Variants in C6 observed in about 807,000 individuals in gnomAD.
C6 encodes complement C6, also known as complement component C6.
In C6, 101 loss-of-function variants were observed where a neutral mutation model predicts 112.9. The ratio of observed to expected loss-of-function variants is 0.89; its 90% CI spans 0.76 to 1.06. C6 has a LOEUF of 1.06. Among genes scored for constraint, C6 ranks in the 50% least tolerant of loss-of-function variants. C6 has a pLI of 0.00. For synonymous variants in C6, 431 were observed against 384.1 expected (o/e 1.12, Z -1.43); for missense variants, 1,202 against 1,104.6 (o/e 1.09, Z -1.25).
intron 1 of C6, among the ~76,000 whole-genome samples, chr5:41,208,592 C>T (rs1045686056): frequency 3.3e-4 from 51 of 152,276 alleles, no homozygotes; most frequent in Non-Finnish European, 5.4e-4. Flanking sequence ...ACTATAAACA[C>T]CTCTACACAA....
At chr5:41,167,319 A>G (rs1748066785) in intron 9 of C6, among the ~76,000 whole-genome samples, 1 of 152,190 alleles carries the variant, frequency 6.6e-6, no homozygotes. Context: ...CAAGAGCCAC[A>G]CATTTTAGGA....
chr5:41,228,726 T>C (rs529605307), intron 1 of C6, among the ~76,000 whole-genome samples: 41 of 152,294 alleles, frequency 2.7e-4, no homozygotes, highest in Non-Finnish European at 4.7e-4. Context: ...ATGGTTTTTG[T>C]TTTTCCTTAT....
chr5:41,235,119 A>C (rs1256323699), intron 1 of C6, among the ~76,000 whole-genome samples: 12 of 142,688 alleles, frequency 8.4e-5, no homozygotes, highest in Admixed American at 7.2e-5. Flanking sequence ...GTACATGTGC[A>C]CATTGTGCAG....
At chr5:41,231,790 T>C (rs186143223) in intron 1 of C6, among the ~76,000 whole-genome samples, 18 of 152,230 alleles carry the variant, frequency 1.2e-4, no homozygotes, top group Non-Finnish European at 1.8e-4. Flanking sequence ...TGCCTGGTAA[T>C]TTTTTAAAAA....
At chr5:41,240,266 A>G (rs1477848981) in intron 1 of C6, among the ~76,000 whole-genome samples, 1 of 152,112 alleles carries the variant, frequency 6.6e-6, no homozygotes, top group Non-Finnish European at 1.5e-5. Flanking sequence ...TTGTTGCCCC[A>G]TAGGTGCTAT....
intron 1 of C6, among the ~76,000 whole-genome samples, chr5:41,219,473 A>G (rs1739032812): frequency 6.6e-6 from 1 of 152,118 alleles, no homozygotes; most frequent in African/African-American, 2.4e-5. Flanking sequence ...CAAGCAATGA[A>G]GGGACATGTG....
intron 1 of C6, among the ~76,000 whole-genome samples, chr5:41,234,572 G>T (rs1314422810): frequency 1.3e-5 from 2 of 151,932 alleles, no homozygotes; most frequent in Admixed American, 1.3e-4. Context: ...GACAAAAGTG[G>T]AAATATCATT....
At chr5:41,194,470 G>A (rs1020499397) in intron 5 of C6, among the ~76,000 whole-genome samples, 2 of 152,016 alleles carry the variant, frequency 1.3e-5, no homozygotes, top group African/African-American at 2.4e-5. Flanking sequence ...TGGTGTCCTC[G>A]GGTTTGGTTC....
chr5:41,200,859 G>A (rs1561161910), intron 3 of C6, among the ~76,000 whole-genome samples: 1 of 139,600 alleles, frequency 7.2e-6, no homozygotes, highest in Non-Finnish European at 1.5e-5. Flanking sequence ...ATCTTGGACT[G>A]AAACCCTGTT....
chr5:41,218,859 G>A (rs1329721931), intron 1 of C6, among the ~76,000 whole-genome samples: 1 of 152,192 alleles, frequency 6.6e-6, no homozygotes, highest in African/African-American at 2.4e-5. Flanking sequence ...GTGAGAACAT[G>A]TGGCCTTAGA....
chr5:41,186,466 C>G (rs1166990230), intron 5 of C6: 1 of 451,764 alleles, frequency 2.2e-6, no homozygotes, highest in Non-Finnish European at 4.0e-6. Context: ...TTTCAACATA[C>G]AACAAAATCT....
intron 17 of C6, among the ~76,000 whole-genome samples, chr5:41,147,350 A>G (rs1745926085): frequency 6.6e-6 from 1 of 152,130 alleles, no homozygotes; most frequent in Non-Finnish European, 1.5e-5. Context: ...CTTATATGGA[A>G]TTGCTTTGTT....
At chr5:41,181,618 G>A in intron 6 of C6, 59 bp from the exon 7 acceptor site, 2 of 1,294,060 alleles carry the variant, frequency 1.5e-6, no homozygotes, top group Non-Finnish European at 2.2e-6. Context: ...GCGACTTGTG[G>A]ATATCTAATG....
intron 1 of C6, among the ~76,000 whole-genome samples, chr5:41,234,120 T>C (rs957627559): frequency 6.6e-6 from 1 of 152,058 alleles, no homozygotes; most frequent in Non-Finnish European, 1.5e-5. Flanking sequence ...ACCTACAGAA[T>C]TCTTTCCCAC....
intron 4 of C6, among the ~76,000 whole-genome samples, chr5:41,197,260 G>A (rs1285400583): frequency 6.6e-6 from 1 of 152,012 alleles, no homozygotes; most frequent in Non-Finnish European, 1.5e-5. Context: ...TTATTATAAA[G>A]AATTATAGCT....
In C6 at chr5:41,170,977, A is replaced by C. The variant is rs140362735; in HGVS notation, c.1291+1248T>G. 5.6e-3 allele frequency among the ~76,000 whole-genome samples: 850 copies of C among 152,282 alleles called. 6 individuals are homozygous for C. Among genetic ancestry groups the C allele is most frequent in the African/African-American group, 0.02 (812 of 41,572 alleles). The stretch of plus-strand genomic sequence containing the variant: ...GCCATGTGAAACCTGACATGTTCTA[A>C]GTATGAAGGTTTCATGAATAAGATT... On this transcript the variant is annotated intron_variant, in intron 9 of 17. Transcript: ENST00000337836.
chr5:41,158,819 A>T, intron 12 of C6, 34 bp from the exon 13 acceptor site: 3 of 1,210,610 alleles, frequency 2.5e-6, no homozygotes, highest in South Asian at 2.4e-5. Context: ...GTGTATATGT[A>T]TGTATGTACA....
chr5:41,187,007 C>A (rs973596314), intron 5 of C6, among the ~76,000 whole-genome samples: 3 of 152,038 alleles, frequency 2.0e-5, no homozygotes, highest in Non-Finnish European at 4.4e-5. Flanking sequence ...TTTTGTCAAA[C>A]AGTTTGGTAA....
chr5:41,181,003 A>G (rs956523772), intron 7 of C6, among the ~76,000 whole-genome samples: 1 of 152,020 alleles, frequency 6.6e-6, no homozygotes, highest in African/African-American at 2.4e-5. Flanking sequence ...ATACATCTAT[A>G]CAAATATGTA....
Sources: allele counts gnomAD v4.1 joint callset (sites outside exome capture counted in the v4.1 genomes callset), GRCh38; gene constraint gnomAD v4.1.1; transcripts MANE v1.5; gene names NCBI Gene and HGNC (gene_info 2026-07-23, HGNC 2026-07-21).